The following DNER variants were observed in gnomAD, a reference collection of about 807,000 sequenced individuals.
The protein encoded by DNER is delta/notch like EGF repeat containing, also known as delta and Notch-like epidermal growth factor-related receptor.
A neutral mutation model predicts 78.2 loss-of-function variants in DNER; 33 were observed. The observed-to-expected ratio is 0.42, with a 90% CI of 0.32 to 0.56. The LOEUF (loss-of-function observed/expected upper bound fraction) is 0.56. DNER is among the 20% of genes least tolerant of loss of function. The probability of loss-of-function intolerance (pLI) is 0.11; values close to 1 mark genes in which losing one functional copy is unlikely to be tolerated. For synonymous variants in DNER, 417 were observed against 384.8 expected (o/e 1.08, Z -0.98); for missense variants, 918 against 975.3 (o/e 0.94, Z 0.78).
intron 8 of DNER, among the ~76,000 whole-genome samples, chr2:229,425,819 T>C (rs896900324): frequency 6.6e-6 from 1 of 152,254 alleles, no homozygotes; most frequent in Non-Finnish European, 1.5e-5. Context: ...TGCTTCCTGC[T>C]GCCTCAGGCA....
intron 9 of DNER, among the ~76,000 whole-genome samples, chr2:229,416,793 A>G (rs1693662994): frequency 6.6e-6 from 1 of 152,140 alleles, no homozygotes; most frequent in South Asian, 2.1e-4. Flanking sequence ...GACCCCATTC[A>G]GGGTCATCTA....
intron 5 of DNER, 103 bp downstream of exon 5, chr2:229,546,844 G>C (rs928646395): frequency 2.0e-5 from 30 of 1,479,784 alleles, no homozygotes; most frequent in Admixed American, 9.0e-5. Flanking sequence ...TAGATAGATA[G>C]AGCAAGGATG....
intron 1 of DNER, among the ~76,000 whole-genome samples, chr2:229,683,688 G>A (rs568366778): frequency 3.9e-4 from 60 of 152,222 alleles, no homozygotes; most frequent in Admixed American, 3.3e-3. Context: ...TCATGATGGC[G>A]ATGATACCAG....
chr2:229,548,470 T>C (rs951457955), intron 4 of DNER, among the ~76,000 whole-genome samples: 1 of 152,156 alleles, frequency 6.6e-6, no homozygotes, highest in Admixed American at 6.5e-5. Flanking sequence ...GAAACCATCA[T>C]TCTCAGCAAA....
At chr2:229,542,816 C>T (rs923019480) in intron 5 of DNER, among the ~76,000 whole-genome samples, 1 of 151,336 alleles carries the variant, frequency 6.6e-6, no homozygotes, top group African/African-American at 2.4e-5. Context: ...TCCCTCTGTT[C>T]CTGCCTTAGG....
chr2:229,678,768 T>C (rs16826331), intron 1 of DNER, among the ~76,000 whole-genome samples: 3,438 of 152,298 alleles, frequency 0.023, 117 homozygotes, highest in African/African-American at 0.068. Context: ...ATGGGCAGTA[T>C]ACCGTCACAT....
intron 5 of DNER, among the ~76,000 whole-genome samples, chr2:229,517,652 G>C (rs376141329): frequency 6.6e-6 from 1 of 152,326 alleles, no homozygotes; most frequent in South Asian, 2.1e-4. Context: ...TGGGCGTGCC[G>C]TCAAATCCCG....
intron 1 of DNER, among the ~76,000 whole-genome samples, chr2:229,659,837 G>A (rs1025930925): frequency 6.6e-6 from 1 of 152,130 alleles, no homozygotes; most frequent in Non-Finnish European, 1.5e-5. Context: ...TGAAACTGCA[G>A]AGCACGCTGG....
At chr2:229,415,171 A>G (rs558018793) in intron 9 of DNER, among the ~76,000 whole-genome samples, 9 of 152,260 alleles carry the variant, frequency 5.9e-5, no homozygotes, top group Admixed American at 5.9e-4. Context: ...ACAAAAAAAA[A>G]AAGTCCAGGC....
chr2:229,459,886 G>A (rs530663077), intron 7 of DNER, among the ~76,000 whole-genome samples: 3 of 151,890 alleles, frequency 2.0e-5, no homozygotes, highest in African/African-American at 4.8e-5. Context: ...GGCCGGGCAC[G>A]GTGGCTCACG....
intron 4 of DNER, among the ~76,000 whole-genome samples, chr2:229,547,413 G>A (rs1696649049): frequency 6.6e-6 from 1 of 152,192 alleles, no homozygotes; most frequent in South Asian, 2.1e-4. Context: ...GGGCTGCTTT[G>A]TCTCTCAATC....
At chr2:229,603,156 T>G (rs150273667) in intron 1 of DNER, among the ~76,000 whole-genome samples, 2 of 152,252 alleles carry the variant, frequency 1.3e-5, no homozygotes, top group African/African-American at 4.8e-5. Context: ...TCAAGCCATA[T>G]GCAAAAATAA....
chr2:229,425,754 G>A (rs970256824), intron 8 of DNER, among the ~76,000 whole-genome samples: 8 of 152,090 alleles, frequency 5.3e-5, no homozygotes, highest in Non-Finnish European at 8.8e-5. Context: ...TTCACACTTC[G>A]TGCAACAAAT....
intron 7 of DNER, among the ~76,000 whole-genome samples, chr2:229,457,404 C>T (rs1393175878): frequency 3.3e-5 from 5 of 151,792 alleles, no homozygotes; most frequent in Admixed American, 2.0e-4. Context: ...ATTTTACTAC[C>T]GTTAGGTTCT....
At chr2:229,690,563 A>T (rs1180620066) in intron 1 of DNER, among the ~76,000 whole-genome samples, 2 of 152,168 alleles carry the variant, frequency 1.3e-5, no homozygotes, top group African/African-American at 4.8e-5. Flanking sequence ...GAATGCACCC[A>T]ATCTCCCTTC....
intron 9 of DNER, among the ~76,000 whole-genome samples, chr2:229,408,584 C>G (rs1337304335): frequency 6.6e-6 from 1 of 152,180 alleles, no homozygotes; most frequent in Non-Finnish European, 1.5e-5. Context: ...ACTTAATTTT[C>G]TCTGCACTTC....
intron 8 of DNER, among the ~76,000 whole-genome samples, chr2:229,441,386 C>T (rs1694231536): frequency 6.6e-6 from 1 of 152,134 alleles, no homozygotes; most frequent in African/African-American, 2.4e-5. Context: ...TGTAGTTGAA[C>T]AAGTTGAGTT....
chr2:229,699,424 G>A (rs537543552), intron 1 of DNER, among the ~76,000 whole-genome samples: 171 of 152,246 alleles, frequency 1.1e-3, no homozygotes, highest in African/African-American at 3.7e-3. Context: ...GCAGTGCAAT[G>A]GCTGGATTTC....
At chr2:229,417,567 C>T (rs1203104201) in intron 9 of DNER, among the ~76,000 whole-genome samples, 1 of 151,798 alleles carries the variant, frequency 6.6e-6, no homozygotes, top group Non-Finnish European at 1.5e-5. Flanking sequence ...CATTACTGTC[C>T]ACCTCATAGG....
Sources: allele counts gnomAD v4.1 joint callset (sites outside exome capture counted in the v4.1 genomes callset), GRCh38; gene constraint gnomAD v4.1.1; transcripts MANE v1.5; gene names NCBI Gene and HGNC (gene_info 2026-07-23, HGNC 2026-07-21).